PRKCH: variants seen among roughly 807,000 people sequenced by gnomAD.
The protein encoded by PRKCH is protein kinase C eta.
Under a neutral mutation model 82.5 loss-of-function variants are expected in PRKCH, and 28 were observed. That is an observed-to-expected ratio of 0.34 (90% CI 0.25 to 0.47). The LOEUF is 0.47. Among genes scored for constraint, PRKCH ranks in the 20% least tolerant of loss-of-function variants. PRKCH has a pLI of 1.00. For synonymous variants in PRKCH, 322 were observed against 327.4 expected (o/e 0.98, Z 0.18); for missense variants, 705 against 881.8 (o/e 0.80, Z 2.54).
chr14:61,287,204 T>TAAAAAA lies in PRKCH; in HGVS notation c.-19+99561_-19+99566dup, dbSNP rs35045657. Reference sequence around the variant, plus strand: ...TGAGCAACAGTGCAAGACTCCGTCTTAAAAAAAAAAAAAAAAAAAAAAAAA... The same window carrying TAAAAAA: ...TGAGCAACAGTGCAAGACTCCGTCTTAAAAAAAAAAAAAAAAAAAAAAAAAAAAAAA... On this transcript the variant is annotated intron_variant, in intron 1 of 3. Transcript: ENST00000555185. Among the ~76,000 whole-genome samples, 131 of 57,926 alleles carry TAAAAAA rather than the reference T, an allele frequency of 2.3e-3. 10 individuals carry two copies. In the East Asian group the frequency reaches 0.044, roughly 20 times the overall value. 38.0% of individuals were successfully genotyped at this position (57,926 alleles called of 152,430 possible). A position where few individuals can be genotyped will look rare whatever the true frequency, so the allele number is the denominator to read the frequency against.
intron 1 of PRKCH, among the ~76,000 whole-genome samples, chr14:61,292,771 CAAA>C (rs33918460): frequency 5.7e-5 from 4 of 69,576 alleles, no homozygotes; most frequent in East Asian, 4.2e-4. Flanking sequence ...ACTCCATCTC[CAAA>C]AAAAAAAAAA....
intron 1 of PRKCH, among the ~76,000 whole-genome samples, chr14:61,234,651 C>A (rs1015190952): frequency 1.3e-5 from 2 of 152,228 alleles, no homozygotes; most frequent in African/African-American, 4.8e-5. Flanking sequence ...CATTGCTGTA[C>A]AGTGTGTTCC....
chr14:61,321,769 A>C lies in PRKCH; in HGVS notation c.-333A>C. On this transcript the variant is annotated 5_prime_UTR_variant, in exon 1 of 14. Transcript: ENST00000332981. The surrounding 1 kb of genome is among the most constrained non-coding windows in gnomAD (Gnocchi z 4.1). ...ACCGGACGGGTAGGTCCGGCTCTCC[A>C]GGGAGAGGAGCTGCCCGGCCCTGGA... 1 of 211,718 alleles carries C rather than the reference A, an allele frequency of 4.7e-6. No homozygotes were observed. The highest frequency in any genetic ancestry group is 9.5e-6 in the Non-Finnish European group (1 of 105,202). The allele number at this position is 211,718 out of a possible 1,614,324, so 13.1% of individuals were successfully genotyped here. A position where few individuals can be genotyped will look rare whatever the true frequency, so the allele number is the denominator to read the frequency against.
rs187869448 is a variant in PRKCH at position 61,330,603 on chromosome 14, T to C, written c.363+8139T>C. Among the ~76,000 whole-genome samples, 13 of 152,314 alleles carry C rather than the reference T, an allele frequency of 8.5e-5. No homozygotes were observed. The East Asian group carries it at 2.5e-3, about 29-fold the overall frequency. The stretch of plus-strand genomic sequence containing the variant: ...GAACAACAACAAAAAGCCTGATAGC[T>C]CTTAGGCCTGCAGACAGCCTGTAGG... On this transcript the variant is annotated intron_variant, in intron 1 of 13. Coordinates refer to ENST00000332981, the MANE Select transcript of PRKCH (RefSeq NM_006255.5).
chr14:61,485,806 G>C, intron 10 of PRKCH, 150 bp downstream of exon 10: 2 of 1,104,838 alleles, frequency 1.8e-6, no homozygotes, highest in Non-Finnish European at 2.6e-6. Flanking sequence ...TTTTGAGACA[G>C]GGTCTCACTC....
chr14:61,535,991 G>A (rs545406531), intron 12 of PRKCH, among the ~76,000 whole-genome samples: 22 of 152,336 alleles, frequency 1.4e-4, no homozygotes, highest in African/African-American at 4.8e-4. Context: ...CAGCGTGTGT[G>A]TATGAAGAAA....
intron 9 of PRKCH, among the ~76,000 whole-genome samples, chr14:61,461,868 T>C (rs896932660): frequency 3.3e-5 from 5 of 152,202 alleles, no homozygotes; most frequent in Admixed American, 3.3e-4. Context: ...ATTCCCAGTG[T>C]TTAGTGGGTG....
intron 1 of PRKCH, among the ~76,000 whole-genome samples, chr14:61,188,864 C>A (rs1050773571): frequency 3.9e-5 from 6 of 151,908 alleles, no homozygotes; most frequent in African/African-American, 1.5e-4. Flanking sequence ...AGATTACAGG[C>A]GCCTGCCACC....
At chr14:61,259,125 G>T (rs1594878538) in intron 1 of PRKCH, among the ~76,000 whole-genome samples, 1 of 152,174 alleles carries the variant, frequency 6.6e-6, no homozygotes, top group African/African-American at 2.4e-5. Context: ...GAGGCAGGCT[G>T]GTTTCTTCTG....
chr14:61,420,665 A>G (rs1882789581), intron 2 of PRKCH, among the ~76,000 whole-genome samples: 1 of 152,200 alleles, frequency 6.6e-6, no homozygotes, highest in Admixed American at 6.5e-5. Context: ...TTATTTTCCC[A>G]AAAGATCGCA....
chr14:61,324,946 A>G (rs935688715), intron 1 of PRKCH, among the ~76,000 whole-genome samples: 1 of 152,196 alleles, frequency 6.6e-6, no homozygotes, highest in Non-Finnish European at 1.5e-5. Context: ...AGGTTCAAAA[A>G]ACCCCCAAAA....
At chr14:61,229,625 C>T (rs767337943) in intron 1 of PRKCH, among the ~76,000 whole-genome samples, 4 of 152,106 alleles carry the variant, frequency 2.6e-5, no homozygotes, top group African/African-American at 4.8e-5. Context: ...GAAGATTTGG[C>T]GGGGACTGTT....
Position 61,486,956 on chromosome 14 carries a change from C to G in PRKCH, c.1433+1300C>G, listed in dbSNP as rs541749628. On this transcript the variant is annotated intron_variant, in intron 10 of 13. Transcript: ENST00000332981. The stretch of plus-strand genomic sequence containing the variant: ...TAACCTTGTTAAATGCAGTTCCTAT[C>G]ATAAACTCATGACAGTATTGACATC... 3.9e-5 allele frequency among the ~76,000 whole-genome samples: 6 copies of G among 152,332 alleles called. No individual in the cohort carries two copies. The South Asian group carries it at 1.2e-3, about 32-fold the overall frequency.
At chr14:61,275,936 C>G (rs936677225) in intron 1 of PRKCH, among the ~76,000 whole-genome samples, 5 of 152,174 alleles carry the variant, frequency 3.3e-5, no homozygotes, top group Non-Finnish European at 5.9e-5. Flanking sequence ...TGACGGCAAT[C>G]TTAATGCAAG....
At chr14:61,344,831 C>T (rs1336545705) in intron 1 of PRKCH, among the ~76,000 whole-genome samples, 1 of 152,144 alleles carries the variant, frequency 6.6e-6, no homozygotes, top group East Asian at 1.9e-4. Context: ...CCCCTTAAAG[C>T]TTGAAGAACC....
rs5809093 is a variant in PRKCH, at chr14:61,395,290, G to GCCCCC, written c.427+4007_427+4011dup. On this transcript the variant is annotated intron_variant, in intron 2 of 13. Coordinates refer to ENST00000332981, the MANE Select transcript of PRKCH (RefSeq NM_006255.5). Reference sequence around the variant, plus strand: ...CTGTGTTAAGTAAGAAGGAAATGGAGCCCCCCCCCGCATTTGCCTGCCACA... The same window carrying GCCCCC: ...CTGTGTTAAGTAAGAAGGAAATGGAGCCCCCCCCCCCCCCGCATTTGCCTGCCACA... Among the ~76,000 whole-genome samples, 51 of 124,356 alleles carry GCCCCC rather than the reference G, an allele frequency of 4.1e-4. 2 individuals are homozygous for GCCCCC. Among genetic ancestry groups the GCCCCC allele is most frequent in the African/African-American group, 5.4e-4 (19 of 34,982 alleles). The allele number at this position is 124,356 out of a possible 152,430, so 81.6% of individuals were successfully genotyped here.
intron 7 of PRKCH, among the ~76,000 whole-genome samples, chr14:61,453,930 T>A (rs768925380): frequency 1.9e-4 from 29 of 152,216 alleles, no homozygotes; most frequent in Non-Finnish European, 3.5e-4. Flanking sequence ...AGTGTTGGGA[T>A]TGCACAGGTG....
Position 61,410,680 on chromosome 14 carries a change from T to C in PRKCH, c.427+19392T>C, listed in dbSNP as rs576768796. On this transcript the variant is annotated intron_variant, in intron 2 of 13. Transcript: ENST00000332981. ...CATATTATTGGATGCTCTTTTTCCC[T>C]CTCCCAGAGCTTTCCTTATCTTCTA... 7.2e-5 allele frequency among the ~76,000 whole-genome samples: 11 copies of C among 152,302 alleles called. No individual in the cohort carries two copies. The East Asian group carries it at 2.1e-3, about 29-fold the overall frequency.
intron 1 of PRKCH, among the ~76,000 whole-genome samples, chr14:61,312,068 G>A (rs1407482585): frequency 6.6e-6 from 1 of 152,186 alleles, no homozygotes; most frequent in African/African-American, 2.4e-5. Context: ...TCGACATGTA[G>A]GGATTATAAT....
Sources: allele counts gnomAD v4.1 joint callset (sites outside exome capture counted in the v4.1 genomes callset), GRCh38; gene constraint gnomAD v4.1.1; non-coding constraint Gnocchi (gnomAD v3.1); transcripts MANE v1.5; gene names NCBI Gene and HGNC (gene_info 2026-07-23, HGNC 2026-07-21).